The following MMP2 variants were observed in gnomAD, a reference collection of about 807,000 sequenced individuals.
The protein encoded by MMP2 is 72 kDa type IV collagenase.
MMP2 carries 39 observed loss-of-function variants against 74.8 expected under a neutral mutation model. The observed-to-expected ratio is 0.52, with a 90% CI of 0.40 to 0.68. The LOEUF (loss-of-function observed/expected upper bound fraction) is 0.68, where lower values mean the gene tolerates loss of function less well. Among genes scored for constraint, MMP2 ranks in the 30% least tolerant of loss-of-function variants. The pLI, the probability that MMP2 is intolerant of heterozygous loss-of-function variation, is 0.00. For synonymous variants in MMP2, 367 were observed against 339.8 expected, an observed-to-expected ratio of 1.08 and a Z score of -0.88; for missense variants, 803 against 878.3, an observed-to-expected ratio of 0.91 and a Z score of 1.08.
At chr16:55,490,434 G>C (rs1162168701) in intron 7 of MMP2, among the ~76,000 whole-genome samples, 1 of 152,130 alleles carries the variant, frequency 6.6e-6, no homozygotes, top group Non-Finnish European at 1.5e-5. Flanking sequence ...GAGCTGACTG[G>C]GACAGCTCTC....
chr16:55,499,284 T>A (rs1339460154), intron 11 of MMP2, among the ~76,000 whole-genome samples: 1 of 152,050 alleles, frequency 6.6e-6, no homozygotes, highest in Non-Finnish European at 1.5e-5. Context: ...AACATGTTAG[T>A]CTTCACTCTT....
At position 55,489,781 on chromosome 16, in the gene MMP2, C is replaced by T; in HGVS notation, c.1137C>T (p.Ala379=). 1.9e-6 allele frequency: 3 copies of T among 1,614,154 alleles called. No homozygotes were observed. Among genetic ancestry groups the T allele is most frequent in the Non-Finnish European group, 2.5e-6 (3 of 1,180,032 alleles). The change falls in exon 7 of 13, where the codon GCC becomes GCT. Residue 379 remains alanine (A), a synonymous_variant. Transcript: ENST00000219070. ...SDGKMWCATT[A]NYDDDRKWGF... ...GAAAGATGTGGTGTGCGACCACAGC[C>T]AACTACGATGATGACCGCAAGTGGG...
At chr16:55,481,440 G>C (rs1220381229) in intron 1 of MMP2, 1 of 167,616 alleles carries the variant, frequency 6.0e-6, no homozygotes, top group Non-Finnish European at 1.3e-5. Context: ...GTCTTGGTTT[G>C]GGTGGGCTTT....
chr16:55,501,021 T>A (rs1276138374), intron 11 of MMP2, among the ~76,000 whole-genome samples: 1 of 152,156 alleles, frequency 6.6e-6, no homozygotes, highest in East Asian at 1.9e-4. Flanking sequence ...CCTCATGTAG[T>A]TTATAGTAGA....
At position 55,498,437 on chromosome 16, in the gene MMP2, C is replaced by A. The variant is rs746772419; in HGVS notation, c.1758C>A (p.Asp586Glu). ...AGAAGACATACATCTTTGCTGGAGA[C>A]AAATTCTGGAGGTAAGGGAGGGCGG... is the stretch of plus-strand genomic sequence containing the variant. ...KNKKTYIFAG[D>E]KFWRYNEVKK... Residue 586 changes from aspartate (D) to glutamate (E), a missense_variant, in exon 11 of 13, where the codon GAC becomes GAA. Physicochemically the swap from Asp to Glu is conservative, Grantham distance 45. Around this residue, in one of 3 missense-constraint regions of MMP2, gnomAD observed 555 missense variants for 592.0 expected, o/e 0.94. Transcript: ENST00000219070. The A allele has an allele frequency of 3.5e-5, 56 of 1,614,080 alleles. No individual in the cohort carries two copies. Among genetic ancestry groups the A allele is most frequent in the Non-Finnish European group, 4.5e-5 (53 of 1,180,034 alleles).
intron 8 of MMP2, among the ~76,000 whole-genome samples, chr16:55,492,892 T>C (rs540212851): frequency 8.5e-5 from 13 of 152,206 alleles, no homozygotes; most frequent in African/African-American, 3.1e-4. Context: ...TCCTCACCTG[T>C]GAAATGGTGC....
Position 55,491,895 on chromosome 16 carries a change from C to T in MMP2, c.1275C>T (p.Tyr425=), listed in dbSNP as rs762073536. The T allele has an allele frequency of 9.3e-6, 15 of 1,614,150 alleles. No homozygotes were observed. In the South Asian group the frequency reaches 1.3e-4, roughly 14 times the overall value. ...CTGGGGCCCTGATGGCACCCATTTA[C>T]ACCTACACCAAGAACTTCCGTCTGT... ...QDPGALMAPI[Y]TYTKNFRLSQ... is the part of the protein sequence containing the mutation. Residue 425 remains tyrosine (Y), a synonymous_variant, in exon 8 of 13, where the codon TAC becomes TAT. Transcript: ENST00000219070.
At position 55,479,210 on chromosome 16, in the gene MMP2, C is replaced by G. The variant is rs1473948116; in HGVS notation, c.-270C>G. On this transcript the variant is annotated 5_prime_UTR_variant, in exon 1 of 13. Transcript: ENST00000219070. ...CTCCCTTGTTTCCGCTGCATCCAGA[C>G]TTCCTCAGGCGGTGGCTGGAGGCTG... 3.9e-6 allele frequency: 1 copy of G among 256,136 alleles called. No individual in the cohort carries two copies. Among genetic ancestry groups the G allele is most frequent in the Non-Finnish European group, 7.3e-6 (1 of 136,916 alleles). 15.9% of individuals were successfully genotyped at this position (256,136 alleles called of 1,614,324 possible). A position where few individuals can be genotyped will look rare whatever the true frequency, so the allele number is the denominator to read the frequency against.
rs1457596299 is a variant in MMP2 at position 55,479,571 on chromosome 16, C to G, written c.92C>G (p.Pro31Arg). Residue 31 changes from proline to arginine, a missense_variant, in exon 1 of 13, where the codon CCG becomes CGG. Pro to Arg is a moderately radical substitution (Grantham distance 103). Coordinates refer to ENST00000219070, the MANE Select transcript of MMP2 (RefSeq NM_004530.6). ...CTGCTGAGCCACGCCGCCGCCGCGC[C>G]GTCGCCCATCATCAAGTTCCCCGGC... ...GCLLSHAAAA[P>R]SPIIKFPGDV... 1 of 1,613,344 alleles carries G rather than the reference C, an allele frequency of 6.2e-7. No homozygotes were observed. Among genetic ancestry groups the G allele is most frequent in the South Asian group, 1.1e-5 (1 of 91,082 alleles).
chr16:55,483,935 A>G (rs1024992501), intron 2 of MMP2, 81 bp from the exon 3 acceptor site: 84 of 1,499,438 alleles, frequency 5.6e-5, no homozygotes, highest in Non-Finnish European at 7.7e-5. Context: ...TTTTTCATAC[A>G]TCTGTGCACA....
Position 55,488,558 on chromosome 16 carries a change from G to A in MMP2, c.848G>A (p.Gly283Asp), listed in dbSNP as rs760811855. 17 of 1,613,788 alleles carry A rather than the reference G, an allele frequency of 1.1e-5. No homozygotes were observed. The highest frequency in any genetic ancestry group is 1.4e-5 in the Non-Finnish European group (17 of 1,179,968). The change falls in exon 6 of 13, where the codon GGC becomes GAC. Residue 283 changes from glycine to aspartate, a missense_variant. Transcript: ENST00000219070. ...CCACCCTTAGCCCTGTTCACCATGG[G>A]CGGCAACGCTGAAGGACAGCCCTGC... is the stretch of plus-strand genomic sequence containing the variant. ...FCPHEALFTM[G>D]GNAEGQPCKF...
chr16:55,491,071 CTT>C (rs57901132), intron 7 of MMP2, among the ~76,000 whole-genome samples: 47,804 of 145,530 alleles, frequency 0.33, 7,998 homozygotes, highest in South Asian at 0.38. Context: ...GCCTCTCCTC[CTT>C]TTTTTTTTTT....
At position 55,497,073 on chromosome 16, in the gene MMP2, A is replaced by G. The variant is rs1402377027; in HGVS notation, c.1609+11A>G. 3 of 1,613,958 alleles carry G rather than the reference A, an allele frequency of 1.9e-6. No individual in the cohort carries two copies. The highest frequency in any genetic ancestry group is 2.5e-6 in the Non-Finnish European group (3 of 1,180,008). On this transcript the variant is annotated intron_variant, in intron 10 of 12. Transcript: ENST00000219070. ...CTGTGTTCTTTGCAGGTGTGTGGGA[A>G]GCACCCTTCCTTGGCCCTCAGCTCC...
At chr16:55,490,539 G>T (rs752335263) in intron 7 of MMP2, among the ~76,000 whole-genome samples, 2 of 152,164 alleles carry the variant, frequency 1.3e-5, no homozygotes, top group Non-Finnish European at 2.9e-5. Context: ...GGTGCTTGGG[G>T]CCCTGTGCCC....
Position 55,506,454 on chromosome 16 carries a change from T to C in MMP2, c.*1012T>C, listed in dbSNP as rs1447267044. Reference sequence around the variant, plus strand: ...AGAAAGAGCCCTGAAGAATCAGCAATTTTGTTGCTTTATTGTGGCATCTGT... The same window carrying C: ...AGAAAGAGCCCTGAAGAATCAGCAACTTTGTTGCTTTATTGTGGCATCTGT... On this transcript the variant is annotated 3_prime_UTR_variant, in exon 13 of 13. Coordinates refer to ENST00000219070, the MANE Select transcript of MMP2 (RefSeq NM_004530.6). The C allele has an allele frequency of 6.6e-6, 1 of 152,212 alleles. No individual in the cohort carries two copies. Among genetic ancestry groups the C allele is most frequent in the Non-Finnish European group, 1.5e-5 (1 of 68,046 alleles). The allele number at this position is 152,212 out of a possible 1,614,324, so 9.4% of individuals were successfully genotyped here.
intron 7 of MMP2, 37 bp from the exon 8 acceptor site, chr16:55,491,764 C>T (rs1338491616): frequency 1.9e-6 from 3 of 1,613,318 alleles, no homozygotes; most frequent in African/African-American, 1.3e-5. Flanking sequence ...ATCTCTCTTC[C>T]TGTCTTTCAA....
chr16:55,483,935 A>C, intron 2 of MMP2, 81 bp from the exon 3 acceptor site: 2 of 1,499,560 alleles, frequency 1.3e-6, no homozygotes, highest in Non-Finnish European at 1.9e-6. Context: ...TTTTTCATAC[A>C]TCTGTGCACA....
chr16:55,490,944 T>G (rs1292651463), intron 7 of MMP2, among the ~76,000 whole-genome samples: 1 of 152,152 alleles, frequency 6.6e-6, no homozygotes, highest in African/African-American at 2.4e-5. Context: ...CTTTCATGCT[T>G]CTGGAGGCTG....
chr16:55,496,934 G>A lies in MMP2; in HGVS notation c.1481G>A (p.Trp494Ter). 6.2e-7 allele frequency: 1 copy of A among 1,614,026 alleles called. No individual in the cohort carries two copies. Residue 494 changes from tryptophan (W) to a stop codon, truncating the protein, a stop_gained, in exon 10 of 13, where the codon TGG becomes TAG. Transcript: ENST00000219070. LOFTEE classifies it high-confidence loss of function. ...EIFFFKDRFI[W>*]RTVTPRDKPM... ...CCCTTGCCTCCTGCCAGGTTCATTT[G>A]GCGGACTGTGACGCCACGTGACAAG...
Sources: gnomAD v4.1 joint callset for allele counts (sites outside exome capture counted in the v4.1 genomes callset) on GRCh38, gnomAD v4.1.1 for gene constraint, gnomAD v4.1.1 regional missense constraint, MANE v1.5 for transcripts, NCBI Gene and HGNC (gene_info 2026-07-23, HGNC 2026-07-21) for gene names.